The following CSMD1 variants were observed in gnomAD, a reference collection of about 807,000 sequenced individuals.
CSMD1 encodes the protein CUB and Sushi multiple domains 1, also known as CUB and sushi domain-containing protein 1.
A neutral mutation model predicts 417.5 loss-of-function variants in CSMD1; 213 were observed. The observed-to-expected ratio is 0.51, with a 90% confidence interval of 0.46 to 0.57. CSMD1 has a LOEUF of 0.57. Ranked by LOEUF, CSMD1 falls within the 20% of genes least tolerant of loss-of-function variation. The pLI is 0.00. For synonymous variants in CSMD1, 2,862 were observed against 1,736.8 expected (o/e 1.65, Z -16.11); for missense variants, 6,923 against 4,529.7 (o/e 1.53, Z -15.17).
chr8:3,241,214 T>C (rs183310588), intron 26 of CSMD1, among the ~76,000 whole-genome samples: 67 of 151,426 alleles, frequency 4.4e-4, no homozygotes, highest in African/African-American at 1.3e-3. Context: ...CAGGTGGGGA[T>C]AACTAAAAAG....
At chr8:4,057,004 A>G (rs960608535) in intron 3 of CSMD1, among the ~76,000 whole-genome samples, 5 of 152,192 alleles carry the variant, frequency 3.3e-5, no homozygotes, top group African/African-American at 4.8e-5. Flanking sequence ...ATACGTGTGC[A>G]TGTGTCTTTA....
intron 50 of CSMD1, among the ~76,000 whole-genome samples, chr8:3,047,658 C>T (rs1811548040): frequency 1.3e-5 from 2 of 152,216 alleles, no homozygotes; most frequent in South Asian, 2.1e-4. Context: ...TCCTTTACCC[C>T]CAACCAACGA....
At chr8:3,707,575 A>G (rs570754838) in intron 7 of CSMD1, among the ~76,000 whole-genome samples, 2 of 152,298 alleles carry the variant, frequency 1.3e-5, no homozygotes, top group African/African-American at 4.8e-5. Context: ...TCTCGTTTGT[A>G]AGAAAAGCAA....
intron 12 of CSMD1, among the ~76,000 whole-genome samples, chr8:3,460,707 G>C (rs1456715966): frequency 6.6e-6 from 1 of 152,242 alleles, no homozygotes; most frequent in African/African-American, 2.4e-5. Context: ...CACCAATGTC[G>C]CTAAGAAGAA....
At chr8:3,371,331 A>G (rs889544475) in intron 18 of CSMD1, among the ~76,000 whole-genome samples, 4 of 152,176 alleles carry the variant, frequency 2.6e-5, no homozygotes, top group African/African-American at 7.2e-5. Flanking sequence ...ATGGCCTCAC[A>G]TGTAAAATGG....
intron 2 of CSMD1, among the ~76,000 whole-genome samples, chr8:4,586,991 G>C (rs1314730781): frequency 6.6e-6 from 1 of 152,166 alleles, no homozygotes. Context: ...CGCCTAAAAA[G>C]TTATAATAGA....
intron 3 of CSMD1, among the ~76,000 whole-genome samples, chr8:4,418,126 G>C (rs1212236365): frequency 6.6e-6 from 1 of 151,524 alleles, no homozygotes; most frequent in East Asian, 1.9e-4. Context: ...GCACCTTTTT[G>C]ACAGGTTTTT....
intron 25 of CSMD1, among the ~76,000 whole-genome samples, chr8:3,295,470 A>G (rs891242366): frequency 2.7e-4 from 41 of 152,196 alleles, no homozygotes; most frequent in Non-Finnish European, 5.3e-4. Context: ...TTATACTGAA[A>G]AAAAGGTAGA....
chr8:3,612,954 A>T (rs1469156221), intron 8 of CSMD1, among the ~76,000 whole-genome samples: 1 of 152,112 alleles, frequency 6.6e-6, no homozygotes, highest in Admixed American at 6.6e-5. Context: ...GAAATTGAAG[A>T]GAAACTAAAC....
intron 28 of CSMD1, among the ~76,000 whole-genome samples, chr8:3,220,095 T>G (rs1798113272): frequency 7.0e-6 from 1 of 142,886 alleles, no homozygotes; most frequent in Non-Finnish European, 1.5e-5. Context: ...CAATGAGCTA[T>G]GACCACACCA....
intron 4 of CSMD1, among the ~76,000 whole-genome samples, chr8:4,025,588 C>T (rs560875168): frequency 1.3e-5 from 2 of 152,026 alleles, no homozygotes; most frequent in Non-Finnish European, 2.9e-5. Context: ...AGAAGTGAAA[C>T]AGTAAATCCT....
At chr8:4,549,616 C>T (rs565925322) in intron 2 of CSMD1, among the ~76,000 whole-genome samples, 7 of 152,114 alleles carry the variant, frequency 4.6e-5, no homozygotes, top group Non-Finnish European at 7.4e-5. Flanking sequence ...TGGCCGGGCG[C>T]GGTGGCTCAC....
At chr8:4,112,017 C>G (rs1279601065) in intron 3 of CSMD1, among the ~76,000 whole-genome samples, 1 of 152,174 alleles carries the variant, frequency 6.6e-6, no homozygotes, top group African/African-American at 2.4e-5. Context: ...TTTTAAATGA[C>G]ATGAAATGTA....
At chr8:3,324,989 A>G (rs183101655) in intron 23 of CSMD1, among the ~76,000 whole-genome samples, 1 of 152,336 alleles carries the variant, frequency 6.6e-6, no homozygotes, top group Non-Finnish European at 1.5e-5. Context: ...GAAAAAAAAA[A>G]GCATTTGTTG....
intron 28 of CSMD1, among the ~76,000 whole-genome samples, chr8:3,223,186 C>G (rs1798313199): frequency 6.6e-6 from 1 of 151,964 alleles, no homozygotes. Flanking sequence ...AGTATTAGAC[C>G]TTCCATCGTC....
Position 4,063,546 on chromosome 8 carries a change from C to A in CSMD1, c.416-31447G>T, listed in dbSNP as rs1014374528. The stretch of plus-strand genomic sequence containing the variant: ...CAGTTTTAATACCAAGAAAAATACT[C>A]CTTAAGAACCAGCCATTAATTTAAG... On this transcript the variant is annotated intron_variant, in intron 3 of 69. Coordinates refer to ENST00000635120, the MANE Select transcript of CSMD1 (RefSeq NM_033225.6). Among the ~76,000 whole-genome samples, 6 of 152,134 alleles carry A rather than the reference C, an allele frequency of 3.9e-5. 1 individual carries two copies. The highest frequency in any genetic ancestry group is 3.9e-4 in the Admixed American group (6 of 15,264).
chr8:3,732,339 C>CA (rs1214214305), intron 6 of CSMD1, among the ~76,000 whole-genome samples: 1 of 152,182 alleles, frequency 6.6e-6, no homozygotes, highest in African/African-American at 2.4e-5. Context: ...CTGTGTGGAT[C>CA]ACAGCCTCAC....
In CSMD1 at chr8:4,209,200, C is replaced by T. The variant is rs141466618; in HGVS notation, c.416-177101G>A. Among the ~76,000 whole-genome samples, 482 of 152,224 alleles carry T rather than the reference C, an allele frequency of 3.2e-3. 2 individuals carry two copies. The highest frequency in any genetic ancestry group is 0.017 in the Middle Eastern group (5 of 294). On this transcript the variant is annotated intron_variant, in intron 3 of 69. Coordinates refer to ENST00000635120, the MANE Select transcript of CSMD1 (RefSeq NM_033225.6). ...TCCAGATGTAGGTGGCTTTATCGCT[C>T]ACCTTTTCAACACTTTTAAAAAGAC... is the stretch of plus-strand genomic sequence containing the variant.
intron 5 of CSMD1, among the ~76,000 whole-genome samples, chr8:3,936,215 A>G (rs1254371677): frequency 5.3e-5 from 8 of 152,076 alleles, no homozygotes; most frequent in Non-Finnish European, 1.5e-5. Context: ...TGCGTAACAT[A>G]AAAGGGCAAG....
Sources: allele counts gnomAD v4.1 joint callset (sites outside exome capture counted in the v4.1 genomes callset), GRCh38; gene constraint gnomAD v4.1.1; transcripts MANE v1.5; gene names NCBI Gene and HGNC (gene_info 2026-07-23, HGNC 2026-07-21).